The following ERBB4 variants were observed in gnomAD, a reference collection of about 807,000 sequenced individuals.
The protein encoded by ERBB4 is receptor tyrosine-protein kinase erbB-4.
Under a neutral mutation model 158.0 loss-of-function variants are expected in ERBB4, and 42 were observed. The observed-to-expected ratio is 0.27, with a 90% confidence interval of 0.21 to 0.34. The LOEUF (loss-of-function observed/expected upper bound fraction) is 0.34, where lower values mean the gene tolerates loss of function less well. ERBB4 is among the 10% of genes least tolerant of loss of function. The pLI is 1.00. For synonymous variants in ERBB4, 583 were observed against 558.7 expected (o/e 1.04, Z -0.61); for missense variants, 1,333 against 1,624.1 (o/e 0.82, Z 3.08).
chr2:211,596,687 CT>C (rs1423674608), intron 19 of ERBB4, among the ~76,000 whole-genome samples: 1 of 151,972 alleles, frequency 6.6e-6, no homozygotes, highest in Non-Finnish European at 1.5e-5. Context: ...TTTTTCCCCC[CT>C]CTGATCTATC....
At position 212,286,525 on chromosome 2, in the gene ERBB4, C is replaced by T. The variant is rs1297355406; in HGVS notation, c.83-161622G>A. 2.7e-5 allele frequency among the ~76,000 whole-genome samples: 4 copies of T among 148,840 alleles called. No individual in the cohort carries two copies. The East Asian group carries it at 7.9e-4, about 29-fold the overall frequency. ...CATAACCTCTCTGAGCCTCAGTTTT[C>T]TCTTTTACAATGGAGAAAATGCATA... is the stretch of plus-strand genomic sequence containing the variant. On this transcript the variant is annotated intron_variant, in intron 1 of 27. Coordinates refer to ENST00000342788, the MANE Select transcript of ERBB4 (RefSeq NM_005235.3).
At chr2:211,750,782 A>G in intron 4 of ERBB4, 78 bp from the exon 5 acceptor site, 2 of 1,227,870 alleles carry the variant, frequency 1.6e-6, no homozygotes, top group Non-Finnish European at 2.4e-6. Context: ...TCCTCAAAGG[A>G]AATACTCCTG....
intron 1 of ERBB4, among the ~76,000 whole-genome samples, chr2:212,183,506 T>C (rs62182565): frequency 0.18 from 27,193 of 151,920 alleles, 2,726 homozygotes; most frequent in Non-Finnish European, 0.22. Context: ...ACTAAATTAG[T>C]GGACATAAAA....
chr2:211,515,316 A>G (rs2065993585), intron 20 of ERBB4, among the ~76,000 whole-genome samples: 1 of 152,094 alleles, frequency 6.6e-6, no homozygotes, highest in African/African-American at 2.4e-5. Context: ...AGTAATAGAA[A>G]ACCCATTAGA....
In ERBB4 at chr2:212,341,181, G is replaced by C. The variant is rs1005447983; in HGVS notation, c.82+197268C>G. ...AAATAAAGGCTAATATTTGCTAAAA[G>C]AATTTGAAATGTATATGCCAAAATA... On this transcript the variant is annotated intron_variant, in intron 1 of 27. Transcript: ENST00000342788. Among the ~76,000 whole-genome samples the C allele has an allele frequency of 1.1e-4, 16 of 151,668 alleles. 1 individual carries two copies. Among genetic ancestry groups the C allele is most frequent in the Admixed American group, 7.9e-4 (12 of 15,244 alleles).
chr2:211,653,093 C>T (rs1238972022), intron 16 of ERBB4, among the ~76,000 whole-genome samples: 1 of 151,912 alleles, frequency 6.6e-6, no homozygotes, highest in South Asian at 2.1e-4. Flanking sequence ...AAATAATATA[C>T]AGAAAAGAAT....
chr2:212,219,273 C>G (rs2083208188), intron 1 of ERBB4, among the ~76,000 whole-genome samples: 1 of 151,252 alleles, frequency 6.6e-6, no homozygotes, highest in South Asian at 2.1e-4. Context: ...GAAAAGTATA[C>G]ACATATGAAT....
In ERBB4 at chr2:212,537,150, C is replaced by CGGCGGCGGCGGCGGCGGG. The variant is rs576146218; in HGVS notation, c.82+1298_82+1299insCCCGCCGCCGCCGCCGCC. Reference sequence around the variant, plus strand: ...GCAAAGGAGGCGGCGGCGGCGGCGGCGGCGGAGCGGGAAAACTACAGCTAG... The same window carrying CGGCGGCGGCGGCGGCGGG: ...GCAAAGGAGGCGGCGGCGGCGGCGGCGGCGGCGGCGGCGGCGGGGGCGGAGCGGGAAAACTACAGCTAG... On this transcript the variant is annotated intron_variant, in intron 1 of 27. Transcript: ENST00000342788. Among the ~76,000 whole-genome samples the CGGCGGCGGCGGCGGCGGG allele has an allele frequency of 5.6e-4, 85 of 151,212 alleles. 1 individual carries two copies. Among genetic ancestry groups the CGGCGGCGGCGGCGGCGGG allele is most frequent in the Middle Eastern group, 6.9e-3 (2 of 290 alleles).
At chr2:212,397,214 C>T (rs2091054082) in intron 1 of ERBB4, among the ~76,000 whole-genome samples, 1 of 152,106 alleles carries the variant, frequency 6.6e-6, no homozygotes, top group Non-Finnish European at 1.5e-5. Flanking sequence ...GTGGTTCATG[C>T]CTGTAATCTC....
chr2:211,444,375 T>C lies in ERBB4; in HGVS notation c.2488-13275A>G, dbSNP rs558379525. ...GAGAAAAGCTGTAAATATATAACTG[T>C]ACATGAGGTTTAAAGGTAAAACAAA... On this transcript the variant is annotated intron_variant, in intron 20 of 27. Transcript: ENST00000342788. Among the ~76,000 whole-genome samples, 3 of 152,206 alleles carry C rather than the reference T, an allele frequency of 2.0e-5. No individual in the cohort carries two copies. In the South Asian group the frequency reaches 6.2e-4, roughly 32 times the overall value.
intron 3 of ERBB4, among the ~76,000 whole-genome samples, chr2:211,920,238 G>A (rs933027713): frequency 3.9e-5 from 6 of 151,922 alleles, no homozygotes; most frequent in South Asian, 2.1e-4. Context: ...CTTATTGTGC[G>A]TCTGAGAGCA....
chr2:211,924,941 A>T (rs981871159), intron 3 of ERBB4, among the ~76,000 whole-genome samples: 24 of 151,626 alleles, frequency 1.6e-4, no homozygotes, highest in African/African-American at 5.6e-4. Flanking sequence ...ATATTTTAGG[A>T]AATACTTTTT....
At chr2:211,587,320 A>T (rs780910519) in intron 19 of ERBB4, among the ~76,000 whole-genome samples, 7 of 152,194 alleles carry the variant, frequency 4.6e-5, no homozygotes, top group Non-Finnish European at 1.0e-4. Flanking sequence ...ACGCCACTGC[A>T]CTGTAGCCTA....
intron 25 of ERBB4, among the ~76,000 whole-genome samples, chr2:211,397,210 G>C (rs1308366782): frequency 6.6e-6 from 1 of 151,928 alleles, no homozygotes; most frequent in Non-Finnish European, 1.5e-5. Context: ...CCCCAAATCT[G>C]ATTTTGCTGC....
intron 2 of ERBB4, among the ~76,000 whole-genome samples, chr2:212,046,417 A>C (rs73988954): frequency 0.11 from 16,564 of 152,204 alleles, 1,061 homozygotes; most frequent in African/African-American, 0.16. Flanking sequence ...AAATCTGGTA[A>C]GGGAGTATTT....
chr2:211,732,822 C>T (rs956982847), intron 5 of ERBB4, among the ~76,000 whole-genome samples: 1 of 152,040 alleles, frequency 6.6e-6, no homozygotes. Context: ...CTAAAAAGTA[C>T]AAAAATTAGC....
At chr2:212,424,357 T>C (rs920671016) in intron 1 of ERBB4, among the ~76,000 whole-genome samples, 8 of 152,150 alleles carry the variant, frequency 5.3e-5, no homozygotes, top group Non-Finnish European at 1.0e-4. Context: ...GCCTACAGAA[T>C]GAGTGAAATT....
intron 1 of ERBB4, among the ~76,000 whole-genome samples, chr2:212,184,950 T>G (rs1319306311): frequency 6.6e-6 from 1 of 152,172 alleles, no homozygotes; most frequent in East Asian, 1.9e-4. Flanking sequence ...CACGGTCCTC[T>G]GTTCATAACA....
intron 1 of ERBB4, among the ~76,000 whole-genome samples, chr2:212,415,324 T>A (rs572536112): frequency 2.4e-4 from 36 of 152,206 alleles, no homozygotes; most frequent in African/African-American, 8.7e-4. Flanking sequence ...CCTAAAGCCT[T>A]AAGAAAAGCA....
Sources: gnomAD v4.1 joint callset for allele counts (sites outside exome capture counted in the v4.1 genomes callset) on GRCh38, gnomAD v4.1.1 for gene constraint, MANE v1.5 for transcripts, NCBI Gene and HGNC (gene_info 2026-07-23, HGNC 2026-07-21) for gene names.